Variants in TAB2 observed in about 807,000 individuals in gnomAD.
The protein encoded by TAB2 is TGF-beta activated kinase 1 (MAP3K7) binding protein 2.
TAB2 carries 3 observed loss-of-function variants against 65.0 expected under a neutral mutation model. That is an observed-to-expected ratio of 0.05 (90% CI 0.02 to 0.12). The LOEUF (loss-of-function observed/expected upper bound fraction) is 0.12, where lower values mean the gene tolerates loss of function less well. Among genes scored for constraint, TAB2 ranks in the 10% least tolerant of loss-of-function variants. The pLI is 1.00. For missense variants in TAB2, 623 were observed against 840.3 expected (o/e 0.74, Z 3.20); for synonymous variants, 298 against 285.1 (o/e 1.05, Z -0.46).
At chr6:149,250,438 T>C (rs1777836291) in intron 1 of TAB2, among the ~76,000 whole-genome samples, 1 of 152,078 alleles carries the variant, frequency 6.6e-6, no homozygotes, top group South Asian at 2.1e-4. Context: ...CCCGAGTACC[T>C]GGGATTACGG....
intron 6 of TAB2, among the ~76,000 whole-genome samples, chr6:149,401,506 A>G (rs1782410334): frequency 1.3e-5 from 2 of 152,054 alleles, no homozygotes; most frequent in South Asian, 4.1e-4. Flanking sequence ...ACAGAAAAAT[A>G]TAAAAATTAT....
At chr6:149,313,814 G>A (rs1311827391), upstream of TAB2, among the ~76,000 whole-genome samples, 1 of 152,220 alleles carries the variant, frequency 6.6e-6, no homozygotes, top group East Asian at 1.9e-4. Flanking sequence ...TGGCCTAGGA[G>A]ATGGGAGAGG....
chr6:149,229,121 C>G lies in TAB2; in HGVS notation c.-121+10345C>G, dbSNP rs188837136. 3.3e-4 allele frequency among the ~76,000 whole-genome samples: 50 copies of G among 152,266 alleles called. No individual in the cohort carries two copies. In the East Asian group the frequency reaches 9.1e-3, roughly 28 times the overall value. On this transcript the variant is annotated intron_variant, in intron 1 of 1. Transcript: ENST00000606202. The stretch of plus-strand genomic sequence containing the variant: ...ATTAGAAGAATAAAGCTCAAACAAG[C>G]ATTTGTAATGTAATCCACGCAGAAA...
At chr6:149,371,478 T>G (rs1781224793) in intron 2 of TAB2, among the ~76,000 whole-genome samples, 1 of 152,210 alleles carries the variant, frequency 6.6e-6, no homozygotes, top group African/African-American at 2.4e-5. Context: ...CTGCATGGAA[T>G]TCTCCCACCA....
intron 1 of TAB2, among the ~76,000 whole-genome samples, chr6:149,336,475 T>A (rs934847797): frequency 3.3e-5 from 5 of 152,138 alleles, no homozygotes. Context: ...ATATGCAGTG[T>A]TCTATGTGTA....
At chr6:149,394,013 A>T (rs2114932565) in intron 3 of TAB2, among the ~76,000 whole-genome samples, 1 of 152,104 alleles carries the variant, frequency 6.6e-6, no homozygotes, top group South Asian at 2.1e-4. Flanking sequence ...ATGTTGGAAA[A>T]TTTTTGGTCT....
intron 1 of TAB2, among the ~76,000 whole-genome samples, chr6:149,346,171 A>C (rs1046469488): frequency 7.2e-5 from 11 of 152,266 alleles, no homozygotes; most frequent in South Asian, 4.1e-4. Context: ...TAGAACTCTG[A>C]TACTTTATTA....
rs1220630746 is a variant in TAB2 at position 149,378,649 on chromosome 6, A to G, written c.734A>G (p.Gln245Arg). 14 of 1,613,528 alleles carry G rather than the reference A, an allele frequency of 8.7e-6. No homozygotes were observed. Among genetic ancestry groups the G allele is most frequent in the Non-Finnish European group, 1.2e-5 (14 of 1,180,028 alleles). The change falls in exon 3 of 7, where the codon CAG (glutamine) becomes CGG (arginine). Residue 245 changes from glutamine to arginine, a missense_variant. By Grantham distance (43) the Gln-to-Arg change is conservative. Transcript: ENST00000637181. ...WVSQFNPMNP[Q>R]QVYQPSQPGP... ...TCTCAGTTTAATCCCATGAACCCTCAGCAAGTTTATCAGCCTTCACAGCCT... is the reference window on the plus strand; with the variant it reads ...TCTCAGTTTAATCCCATGAACCCTCGGCAAGTTTATCAGCCTTCACAGCCT...
chr6:149,242,956 T>C (rs1206670005), intron 1 of TAB2, among the ~76,000 whole-genome samples: 1 of 152,226 alleles, frequency 6.6e-6, no homozygotes, highest in East Asian at 1.9e-4. Context: ...ATCACCTTGC[T>C]ATAAACTGAA....
intron 6 of TAB2, among the ~76,000 whole-genome samples, chr6:149,403,247 AATATATATATATATAT>A (rs71010865): frequency 1.1e-4 from 5 of 44,034 alleles, no homozygotes; most frequent in Non-Finnish European, 1.4e-4. Flanking sequence ...AAAAAAAAAA[AATATATATATATATAT>A]ATATATATAT....
At chr6:149,358,953 T>TA (rs2114828011) in intron 1 of TAB2, among the ~76,000 whole-genome samples, 1 of 152,302 alleles carries the variant, frequency 6.6e-6, no homozygotes, top group South Asian at 2.1e-4. Context: ...TTTATGATGA[T>TA]ATATTTTCTA....
chr6:149,406,187 C>A (rs1420452700), intron 6 of TAB2, among the ~76,000 whole-genome samples: 2 of 152,188 alleles, frequency 1.3e-5, no homozygotes, highest in African/African-American at 2.4e-5. Flanking sequence ...TCCAGACTTA[C>A]AATTTGTTCC....
chr6:149,382,658 T>C (rs1173014164), intron 3 of TAB2, among the ~76,000 whole-genome samples: 1 of 152,110 alleles, frequency 6.6e-6, no homozygotes, highest in Non-Finnish European at 1.5e-5. Context: ...CACTATCATA[T>C]AATGTCTTTC....
At position 149,248,452 on chromosome 6, in the gene TAB2, A is replaced by AAGGAAGGAAGGAAGGAAGGAAGG. The variant is rs1562387099; in HGVS notation, c.-121+29677_-121+29678insGGAAGGAAGGAAGGAAGGAAGGA. 7.7e-4 allele frequency among the ~76,000 whole-genome samples: 42 copies of AAGGAAGGAAGGAAGGAAGGAAGG among 54,748 alleles called. 1 individual carries two copies. Among genetic ancestry groups the AAGGAAGGAAGGAAGGAAGGAAGG allele is most frequent in the African/African-American group, 2.1e-3 (40 of 18,690 alleles). The allele number at this position is 54,748 out of a possible 152,430, so 35.9% of individuals were successfully genotyped here. ...GAAAGGAAGGAAGGAAGGAAGGAAG[A>AAGGAAGGAAGGAAGGAAGGAAGG]AAAGAAGGAAGGAAGGAAAGAAAGA... is the stretch of plus-strand genomic sequence containing the variant. On this transcript the variant is annotated intron_variant, in intron 1 of 1. Transcript: ENST00000606202.
chr6:149,236,556 G>A (rs1777499020), intron 1 of TAB2, among the ~76,000 whole-genome samples: 1 of 152,136 alleles, frequency 6.6e-6, no homozygotes, highest in Non-Finnish European at 1.5e-5. Flanking sequence ...TGGTGAAATG[G>A]CCCAGAAAAA....
At chr6:149,393,457 T>C (rs61259243) in intron 3 of TAB2, among the ~76,000 whole-genome samples, 35,886 of 152,154 alleles carry the variant, frequency 0.24, 4,422 homozygotes, top group Non-Finnish European at 0.26. Flanking sequence ...CTGAAGAATT[T>C]ACTCTTTAAC....
chr6:149,236,560 A>G (rs984322196), intron 1 of TAB2, among the ~76,000 whole-genome samples: 7 of 152,356 alleles, frequency 4.6e-5, no homozygotes, highest in African/African-American at 1.7e-4. Flanking sequence ...GAAATGGCCC[A>G]GAAAAAGAGA....
At chr6:149,254,016 A>AAG (rs1263951090) in intron 1 of TAB2, among the ~76,000 whole-genome samples, 5 of 149,868 alleles carry the variant, frequency 3.3e-5, no homozygotes, top group Non-Finnish European at 7.4e-5. Flanking sequence ...GAAAGAAAGA[A>AAG]AGAAAGAAAA....
At chr6:149,392,639 C>G (rs189993460) in intron 3 of TAB2, among the ~76,000 whole-genome samples, 4 of 152,220 alleles carry the variant, frequency 2.6e-5, no homozygotes, top group African/African-American at 9.6e-5. Flanking sequence ...TTCTCCACTC[C>G]TTCATTCAGC....
Sources: gnomAD v4.1 joint callset for allele counts (sites outside exome capture counted in the v4.1 genomes callset) on GRCh38, gnomAD v4.1.1 for gene constraint, MANE v1.5 for transcripts, NCBI Gene and HGNC (gene_info 2026-07-23, HGNC 2026-07-21) for gene names.